NKAIN3: variants seen among roughly 807,000 people sequenced by gnomAD.
NKAIN3 encodes sodium/potassium-transporting ATPase subunit beta-1-interacting protein 3.
In NKAIN3, 25 loss-of-function variants were observed where a neutral mutation model predicts 30.2. That is an observed-to-expected ratio of 0.83 (90% CI 0.60 to 1.16). The LOEUF (loss-of-function observed/expected upper bound fraction) is 1.16, where lower values mean the gene tolerates loss of function less well. Ranked by LOEUF, NKAIN3 falls within the 50% of genes most tolerant of loss-of-function variation. The pLI is 0.00. For synonymous variants in NKAIN3, 91 were observed against 89.6 expected, an observed-to-expected ratio of 1.02 and a Z score of -0.09; for missense variants, 225 against 254.1, an observed-to-expected ratio of 0.89 and a Z score of 0.78.
At position 62,639,244 on chromosome 8, in the gene NKAIN3, A is replaced by G. The variant is rs182693746; in HGVS notation, c.273+49450A>G. On this transcript the variant is annotated intron_variant, in intron 3 of 6. Coordinates refer to ENST00000623646, the MANE Select transcript of NKAIN3 (RefSeq NM_001304533.3). Reference sequence around the variant, plus strand: ...CTTCCAGTGAGATATAAGGAAAACCAAGAGAGTGTTGATGTGGAGGCCAAG... The same window carrying G: ...CTTCCAGTGAGATATAAGGAAAACCGAGAGAGTGTTGATGTGGAGGCCAAG... Among the ~76,000 whole-genome samples the G allele has an allele frequency of 6.8e-4, 103 of 152,292 alleles. 1 individual carries two copies. In the Middle Eastern group the frequency reaches 0.01, roughly 15 times the overall value.
At chr8:62,781,813 T>TA (rs1817360835) in intron 4 of NKAIN3, among the ~76,000 whole-genome samples, 1 of 151,738 alleles carries the variant, frequency 6.6e-6, no homozygotes, top group South Asian at 2.1e-4. Flanking sequence ...TTAAAGATTT[T>TA]AAAGTAAGAC....
intron 3 of NKAIN3, among the ~76,000 whole-genome samples, chr8:62,686,537 A>G (rs1364907547): frequency 6.6e-6 from 1 of 152,198 alleles, no homozygotes; most frequent in African/African-American, 2.4e-5. Context: ...TTCTGGGGGA[A>G]ACAGAAGGGT....
chr8:62,345,587 AC>A (rs1486439618), intron 1 of NKAIN3, among the ~76,000 whole-genome samples: 3 of 147,688 alleles, frequency 2.0e-5, no homozygotes, highest in Non-Finnish European at 4.5e-5. Flanking sequence ...ATATGTATAT[AC>A]ACACATATAT....
intron 3 of NKAIN3, among the ~76,000 whole-genome samples, chr8:62,596,565 T>C (rs1169101545): frequency 6.6e-6 from 1 of 152,064 alleles, no homozygotes; most frequent in Non-Finnish European, 1.5e-5. Context: ...ACTTAGAGTC[T>C]GTATATATAT....
intron 5 of NKAIN3, among the ~76,000 whole-genome samples, chr8:62,921,998 C>T (rs1212992315): frequency 6.6e-6 from 1 of 152,112 alleles, no homozygotes; most frequent in Non-Finnish European, 1.5e-5. Flanking sequence ...GCAACTGGCA[C>T]ATTTATTTGG....
chr8:62,316,684 G>A (rs13249875), intron 1 of NKAIN3, among the ~76,000 whole-genome samples: 83,868 of 151,926 alleles, frequency 0.55, 23,573 homozygotes, highest in Non-Finnish European at 0.61. Context: ...ATCATTGTTG[G>A]ACATTTGGGT....
At chr8:62,466,113 A>G (rs1046391377) in intron 1 of NKAIN3, among the ~76,000 whole-genome samples, 7 of 152,200 alleles carry the variant, frequency 4.6e-5, no homozygotes, top group Non-Finnish European at 1.0e-4. Context: ...CTCAGAGCAC[A>G]GTGAAAACAG....
intron 1 of NKAIN3, among the ~76,000 whole-genome samples, chr8:62,508,001 C>T (rs1395530335): frequency 6.6e-6 from 1 of 152,164 alleles, no homozygotes; most frequent in Non-Finnish European, 1.5e-5. Flanking sequence ...CTTTTAGGCT[C>T]ATCTGGGACA....
At chr8:62,440,702 AT>A (rs35092616) in intron 1 of NKAIN3, among the ~76,000 whole-genome samples, 46 of 147,272 alleles carry the variant, frequency 3.1e-4, no homozygotes, top group African/African-American at 5.7e-4. Flanking sequence ...CTTCTTCTTT[AT>A]TTTTTTTTTT....
At chr8:62,283,329 A>G (rs1462344964) in intron 1 of NKAIN3, among the ~76,000 whole-genome samples, 2 of 152,036 alleles carry the variant, frequency 1.3e-5, no homozygotes, top group Non-Finnish European at 2.9e-5. Flanking sequence ...CTGATGACAA[A>G]CCCATTTTTC....
intron 4 of NKAIN3, among the ~76,000 whole-genome samples, chr8:62,781,905 C>A (rs1270796490): frequency 1.3e-5 from 2 of 151,900 alleles, no homozygotes. Flanking sequence ...ATGGCTATGA[C>A]CTCAGAAGCA....
At chr8:62,950,869 C>T (rs908542397) in intron 5 of NKAIN3, among the ~76,000 whole-genome samples, 10 of 151,158 alleles carry the variant, frequency 6.6e-5, no homozygotes, top group Admixed American at 2.6e-4. Flanking sequence ...TCTAGAATGG[C>T]CACGTAGACA....
At chr8:62,337,657 ATGCACAGCACG>A (rs1166280739) in intron 1 of NKAIN3, among the ~76,000 whole-genome samples, 2 of 152,022 alleles carry the variant, frequency 1.3e-5, no homozygotes, top group Non-Finnish European at 2.9e-5. Context: ...ACACTCACAC[ATGCACAGCACG>A]TGCACACACC....
At chr8:62,556,376 A>G (rs1459048464) in intron 1 of NKAIN3, among the ~76,000 whole-genome samples, 1 of 151,890 alleles carries the variant, frequency 6.6e-6, no homozygotes, top group East Asian at 1.9e-4. Flanking sequence ...ATGAAAATGG[A>G]AAAAACTGAT....
At chr8:62,689,512 C>G (rs944733784) in intron 3 of NKAIN3, among the ~76,000 whole-genome samples, 5 of 152,194 alleles carry the variant, frequency 3.3e-5, no homozygotes, top group African/African-American at 1.2e-4. Context: ...TGAATTTGCA[C>G]TCTTTACCCC....
At chr8:62,803,578 C>G (rs1818154643) in intron 4 of NKAIN3, among the ~76,000 whole-genome samples, 1 of 151,994 alleles carries the variant, frequency 6.6e-6, no homozygotes, top group South Asian at 2.1e-4. Context: ...AGAACAAAGA[C>G]ACAACATACC....
Position 62,579,611 on chromosome 8 carries a change from C to T in NKAIN3, c.127C>T (p.His43Tyr). 1 of 1,609,248 alleles carries T rather than the reference C, an allele frequency of 6.2e-7. No homozygotes were observed. Residue 43 changes from histidine (H) to tyrosine (Y), a missense_variant, in exon 2 of 7, where the codon CAC (histidine) becomes TAC (tyrosine). Physicochemically the swap from His to Tyr is moderately conservative, Grantham distance 83. Coordinates refer to ENST00000623646, the MANE Select transcript of NKAIN3 (RefSeq NM_001304533.3). Reference sequence around the variant, plus strand: ...GGCGCCTATTCTTGGAAATTTTCTACACATAATAGTTGTCATATTGGGTTT... The same window carrying T: ...GGCGCCTATTCTTGGAAATTTTCTATACATAATAGTTGTCATATTGGGTTT... ...QWAPILGNFL[H>Y]IIVVILGLFG...
intron 4 of NKAIN3, among the ~76,000 whole-genome samples, chr8:62,838,966 G>A (rs1410186092): frequency 6.6e-6 from 1 of 152,062 alleles, no homozygotes; most frequent in African/African-American, 2.4e-5. Flanking sequence ...TTGCTCCTGA[G>A]TACAAGGATT....
intron 1 of NKAIN3, among the ~76,000 whole-genome samples, chr8:62,414,099 C>T (rs941318004): frequency 1.3e-5 from 2 of 152,036 alleles, no homozygotes; most frequent in African/African-American, 4.8e-5. Flanking sequence ...TGATTTGGGA[C>T]TTTTTGTAAA....
Sources: allele counts gnomAD v4.1 joint callset (sites outside exome capture counted in the v4.1 genomes callset), GRCh38; gene constraint gnomAD v4.1.1; transcripts MANE v1.5; gene names NCBI Gene and HGNC (gene_info 2026-07-23, HGNC 2026-07-21).